PEBP4: variants seen among roughly 807,000 people sequenced by gnomAD.
The protein encoded by PEBP4 is phosphatidylethanolamine-binding protein 4.
A neutral mutation model predicts 23.9 loss-of-function variants in PEBP4; 22 were observed. The observed-to-expected ratio is 0.92, with a 90% confidence interval of 0.66 to 1.31. The LOEUF (loss-of-function observed/expected upper bound fraction) is 1.31. Ranked by LOEUF, PEBP4 falls within the 40% of genes most tolerant of loss-of-function variation. PEBP4 has a pLI of 0.00. For synonymous variants in PEBP4, 112 were observed against 99.3 expected, an observed-to-expected ratio of 1.13 and a Z score of -0.76; for missense variants, 324 against 281.7, an observed-to-expected ratio of 1.15 and a Z score of -1.07.
chr8:22,839,172 A>G (rs1807269693), intron 3 of PEBP4, among the ~76,000 whole-genome samples: 1 of 152,136 alleles, frequency 6.6e-6, no homozygotes, highest in African/African-American at 2.4e-5. Flanking sequence ...CTTGTTCGGG[A>G]TGACCAAGCC....
At chr8:22,794,130 A>T (rs1261350113) in intron 4 of PEBP4, among the ~76,000 whole-genome samples, 1 of 152,058 alleles carries the variant, frequency 6.6e-6, no homozygotes, top group Non-Finnish European at 1.5e-5. Flanking sequence ...AAAATTTCCT[A>T]TTCATGTCCT....
chr8:22,911,310 G>A (rs10095219), intron 3 of PEBP4, among the ~76,000 whole-genome samples: 13 of 151,922 alleles, frequency 8.6e-5, no homozygotes, highest in Admixed American at 3.9e-4. Flanking sequence ...CCTCAAAGTC[G>A]GGATCCTATG....
chr8:22,792,041 T>C (rs113050355), intron 4 of PEBP4, among the ~76,000 whole-genome samples: 5,750 of 151,636 alleles, frequency 0.038, 380 homozygotes, highest in African/African-American at 0.13. Flanking sequence ...TTTTTTTTTG[T>C]AGAGACAGGG....
rs1394476879 is a variant in PEBP4, at chr8:22,865,144, GTGC to G, written c.259-47412_259-47410del. 6.6e-6 allele frequency among the ~76,000 whole-genome samples: 1 copy of G among 152,024 alleles called. No homozygotes were observed. Among genetic ancestry groups the G allele is most frequent in the Non-Finnish European group, 1.5e-5 (1 of 67,960 alleles). On this transcript the variant is annotated intron_variant, in intron 3 of 6. Coordinates refer to ENST00000256404, the MANE Select transcript of PEBP4 (RefSeq NM_144962.3). This position sits in a 1 kb window ranked among gnomAD's most constrained non-coding sequence, Gnocchi z 6.9. ...GCTGGGGCGGCCCGGGGAAGAACCA[GTGC>G]TGGACGGGGCTAGAGGCCCACGTTC...
At chr8:22,917,629 C>T (rs1809105580) in intron 3 of PEBP4, among the ~76,000 whole-genome samples, 1 of 145,116 alleles carries the variant, frequency 6.9e-6, no homozygotes. Flanking sequence ...TCCATAGGAC[C>T]TGCCTTGCAT....
chr8:22,905,496 A>G (rs1808792674), intron 3 of PEBP4, among the ~76,000 whole-genome samples: 1 of 152,158 alleles, frequency 6.6e-6, no homozygotes, highest in Non-Finnish European at 1.5e-5. Flanking sequence ...CTTTGACCTT[A>G]TACCTAGGCA....
intron 3 of PEBP4, among the ~76,000 whole-genome samples, chr8:22,890,458 A>G (rs1808471371): frequency 6.6e-6 from 1 of 152,250 alleles, no homozygotes; most frequent in Admixed American, 6.5e-5. Context: ...AAAGACCCCA[A>G]GGTGAAATCT....
chr8:22,841,238 G>A (rs1309507374), intron 3 of PEBP4, among the ~76,000 whole-genome samples: 1 of 152,274 alleles, frequency 6.6e-6, no homozygotes, highest in African/African-American at 2.4e-5. Flanking sequence ...CGAAGCAGCG[G>A]CTCTTAGCCA....
chr8:22,851,438 T>C (rs1226763772), intron 3 of PEBP4, among the ~76,000 whole-genome samples: 1 of 152,102 alleles, frequency 6.6e-6, no homozygotes, highest in Non-Finnish European at 1.5e-5. Flanking sequence ...GGTACACACT[T>C]GGGATTTTGG....
chr8:22,916,525 G>A (rs1166105494), intron 3 of PEBP4, among the ~76,000 whole-genome samples: 2 of 152,106 alleles, frequency 1.3e-5, no homozygotes, highest in African/African-American at 4.8e-5. Context: ...AGGGGGAGGA[G>A]AGAGTCCTGC....
intron 4 of PEBP4, among the ~76,000 whole-genome samples, chr8:22,779,906 G>A (rs918536542): frequency 2.6e-5 from 4 of 152,160 alleles, no homozygotes; most frequent in African/African-American, 9.7e-5. Flanking sequence ...GTTTGCCAGG[G>A]AAAGTTAAAA....
At chr8:22,821,721 C>T (rs1273864655) in intron 3 of PEBP4, among the ~76,000 whole-genome samples, 1 of 151,822 alleles carries the variant, frequency 6.6e-6, no homozygotes, top group African/African-American at 2.4e-5. Flanking sequence ...TGCGGTGGCT[C>T]ATGCCTATAA....
chr8:22,832,227 T>G lies in PEBP4; in HGVS notation c.259-14492A>C, dbSNP rs1484509983. ...CTCCAAAATGCATGTGTGGAAGCCC[T>G]ACTTCCCAAGTTGATGGTGTTCGGA... On this transcript the variant is annotated intron_variant, in intron 3 of 6. Coordinates refer to ENST00000256404, the MANE Select transcript of PEBP4 (RefSeq NM_144962.3). Among the ~76,000 whole-genome samples, 4 of 152,148 alleles carry G rather than the reference T, an allele frequency of 2.6e-5. No homozygotes were observed. The East Asian group carries it at 7.7e-4, about 29-fold the overall frequency.
At chr8:22,891,936 G>A (rs185959541) in intron 3 of PEBP4, among the ~76,000 whole-genome samples, 21 of 152,312 alleles carry the variant, frequency 1.4e-4, no homozygotes, top group African/African-American at 4.8e-4. Context: ...AGTCGGGTAT[G>A]GTGACAGGCG....
intron 4 of PEBP4, among the ~76,000 whole-genome samples, chr8:22,753,250 TTAGAGAATAGA>T (rs1297572210): frequency 1.3e-5 from 2 of 152,170 alleles, no homozygotes; most frequent in Non-Finnish European, 2.9e-5. Context: ...CCCTATATTC[TTAGAGAATAGA>T]TGCTCCCTGC....
chr8:22,854,971 C>A (rs1585308107), intron 3 of PEBP4, among the ~76,000 whole-genome samples: 2 of 136,326 alleles, frequency 1.5e-5, no homozygotes, highest in South Asian at 2.7e-4. Context: ...CAAGCTTGTC[C>A]AAATGAGTGT....
chr8:22,898,631 C>A (rs540036958), intron 3 of PEBP4, among the ~76,000 whole-genome samples: 2 of 152,164 alleles, frequency 1.3e-5, no homozygotes, highest in African/African-American at 4.8e-5. Context: ...GTTCCCCTCA[C>A]GCCCTGCACA....
chr8:22,854,157 C>T (rs1807596199), intron 3 of PEBP4, among the ~76,000 whole-genome samples: 1 of 152,138 alleles, frequency 6.6e-6, no homozygotes, highest in African/African-American at 2.4e-5. Context: ...CTTCAGGAAT[C>T]GACTGAGTTA....
At chr8:22,832,131 T>C (rs1384385577) in intron 3 of PEBP4, among the ~76,000 whole-genome samples, 1 of 152,132 alleles carries the variant, frequency 6.6e-6, no homozygotes. Flanking sequence ...AAAGTGGTCA[T>C]TCCTGGAGGC....
Sources: gnomAD v4.1 joint callset for allele counts (sites outside exome capture counted in the v4.1 genomes callset) on GRCh38, gnomAD v4.1.1 for gene constraint, Gnocchi (gnomAD v3.1) non-coding constraint, MANE v1.5 for transcripts, NCBI Gene and HGNC (gene_info 2026-07-23, HGNC 2026-07-21) for gene names.